Variants in BPIFB3 observed in about 807,000 individuals in gnomAD.
BPIFB3 encodes the protein BPI fold-containing family B member 3.
A neutral mutation model predicts 53.1 loss-of-function variants in BPIFB3; 49 were observed. The observed-to-expected ratio is 0.92, with a 90% CI of 0.73 to 1.17. The LOEUF is 1.17. Ranked by LOEUF, BPIFB3 falls within the 50% of genes most tolerant of loss-of-function variation. BPIFB3 has a pLI of 0.00. For missense variants in BPIFB3, 628 were observed against 592.5 expected (o/e 1.06, Z -0.62); for synonymous variants, 271 against 269.6 (o/e 1.01, Z -0.05).
In BPIFB3 at chr20:33,072,107, T is replaced by A. The variant is rs1386120475; in HGVS notation, c.1264T>A (p.Ser422Thr). The change falls in exon 13 of 15, where the codon TCG becomes ACG. Residue 422 changes from serine (S) to threonine (T), a missense_variant. Coordinates refer to ENST00000375494, the Ensembl canonical transcript of BPIFB3. ...CACCCTGTGTGTTCTGTTGCAGGGA[T>A]CGCGTTTAGAAGAATGGCTCAGCCA... 3 of 1,614,182 alleles carry A rather than the reference T, an allele frequency of 1.9e-6. No homozygotes were observed. The South Asian group carries it at 3.3e-5, about 18-fold the overall frequency.
chr20:33,064,492 TTC>T lies in BPIFB3; in HGVS notation c.694_695del (p.Leu232GlyfsTer25). The T allele has an allele frequency of 6.2e-7, 1 of 1,614,120 alleles. No individual in the cohort carries two copies. Among genetic ancestry groups the T allele is most frequent in the Non-Finnish European group, 8.5e-7 (1 of 1,180,020 alleles). On this transcript the variant is annotated frameshift_variant, in exon 7 of 15. Coordinates refer to ENST00000375494, the Ensembl canonical transcript of BPIFB3. LOFTEE classifies it high-confidence loss of function. ...CCTTGGGGCTCTTGGGTCCGTGGAA[TTC>T]TCTCTGGCCACATTGCCTCTCATCT...
At chr20:33,066,958 C>T in intron 9 of BPIFB3, 81 bp downstream of exon 10, 1 of 1,431,140 alleles carries the variant, frequency 7.0e-7, no homozygotes, top group African/African-American at 1.4e-5. Flanking sequence ...TTTCTCAATA[C>T]AGCTCTCCAG....
At chr20:33,062,193 A>C (rs1600539504) in intron 5 of BPIFB3, among the ~76,000 whole-genome samples, 1 of 152,228 alleles carries the variant, frequency 6.6e-6, no homozygotes, top group Non-Finnish European at 1.5e-5. Flanking sequence ...GTGCTTGGCA[A>C]TCATGTCTAG....
upstream of BPIFB3, chr20:33,055,323 C>T: frequency 6.5e-7 from 1 of 1,537,784 alleles, no homozygotes; most frequent in Non-Finnish European, 8.8e-7. Flanking sequence ...TTGGGCTGTG[C>T]CAGGTGGGCA....
chr20:33,071,970 G>C (rs1373989705), intron 12 of BPIFB3, 134 bp from the exon 14 acceptor site: 10 of 832,408 alleles, frequency 1.2e-5, no homozygotes, highest in Non-Finnish European at 1.8e-5. Flanking sequence ...TGCCTGCCAG[G>C]AGCTGTGTCC....
intron 13 of BPIFB3, 69 bp from the exon 15 acceptor site, chr20:33,072,648 C>T: frequency 7.5e-7 from 1 of 1,340,734 alleles, no homozygotes; most frequent in Non-Finnish European, 1.1e-6. Flanking sequence ...TCAGCAGGGT[C>T]CGAGGGTTCC....
Position 33,056,529 on chromosome 20 carries a change from A to T in BPIFB3, c.125-13A>T. The T allele has an allele frequency of 6.2e-7, 1 of 1,612,930 alleles. No individual in the cohort carries two copies. The highest frequency in any genetic ancestry group is 8.5e-7 in the Non-Finnish European group (1 of 1,179,786). On this transcript the variant is annotated splice_polypyrimidine_tract_variant and intron_variant, in intron 1 of 14. Coordinates refer to ENST00000375494, the Ensembl canonical transcript of BPIFB3. ...GAGTTTCTAGTACCTTCCTACTTCC[A>T]CTCTCTCTGCAGCCATCCAGAACTC...
At chr20:33,059,557 C>A in intron 3 of BPIFB3, 75 bp downstream of exon 4, 1 of 1,091,086 alleles carries the variant, frequency 9.2e-7, no homozygotes, top group Non-Finnish European at 1.4e-6. Context: ...TCCTACTCTG[C>A]TGTCCCCCCA....
chr20:33,055,712 C>T (rs953419167), intron 1 of BPIFB3, among the ~76,000 whole-genome samples, 165 bp downstream of exon 2: 1 of 152,174 alleles, frequency 6.6e-6, no homozygotes, highest in Non-Finnish European at 1.5e-5. Flanking sequence ...GAAAGTTTCC[C>T]TTGCAGGCTT....
At chr20:33,072,620 G>T (rs1980951746) in intron 13 of BPIFB3, 97 bp from the exon 15 acceptor site, 1 of 1,011,288 alleles carries the variant, frequency 9.9e-7, no homozygotes, top group South Asian at 1.4e-5. Context: ...GCTGGCTAGT[G>T]AAAGTGATGG....
At chr20:33,066,742 T>G (rs1214021483) in intron 8 of BPIFB3, 82 bp from the exon 10 acceptor site, 1 of 1,362,220 alleles carries the variant, frequency 7.3e-7, no homozygotes. Context: ...GGAAGAGTGG[T>G]GAACGAAACT....
downstream of BPIFB3, chr20:33,073,693 ATGT>A (rs895198219): frequency 1.9e-5 from 29 of 1,508,988 alleles, no homozygotes; most frequent in African/African-American, 3.7e-4. Flanking sequence ...TCTCTAGCTG[ATGT>A]TGGTGACAGT....
At chr20:33,058,879 C>T (rs1032269080) in intron 2 of BPIFB3, among the ~76,000 whole-genome samples, 1 of 151,888 alleles carries the variant, frequency 6.6e-6, no homozygotes, top group Non-Finnish European at 1.5e-5. Context: ...GAAGAAGGGT[C>T]AAGGGAAGTG....
chr20:33,072,195 C>T, intron 13 of BPIFB3, 28 bp downstream of exon 14: 1 of 1,610,536 alleles, frequency 6.2e-7, no homozygotes, highest in Non-Finnish European at 8.5e-7. Context: ...CTCTTGGACA[C>T]ATGGAGTGTC....
chr20:33,061,725 G>C (rs778101577), intron 4 of BPIFB3, 43 bp from the exon 6 acceptor site: 2 of 1,595,908 alleles, frequency 1.3e-6, no homozygotes, highest in Admixed American at 1.7e-5. Context: ...GGGTTGAACC[G>C]TCCACCTGGC....
intron 8 of BPIFB3, among the ~76,000 whole-genome samples, chr20:33,065,218 C>T (rs1980621318): frequency 6.6e-6 from 1 of 152,192 alleles, no homozygotes; most frequent in African/African-American, 2.4e-5. Context: ...AAAATTTCCA[C>T]TGCTTTCTCA....
Position 33,072,943 on chromosome 20 carries a change from A to G in BPIFB3, c.1401+150A>G, listed in dbSNP as rs189795072. ...TTTCTCAGTGAGTTACAAATTGCCT[A>G]ACTTAGGAATGGCAAATATATGACA... On this transcript the variant is annotated intron_variant, in intron 14 of 14. Transcript: ENST00000375494. 1.4e-5 allele frequency: 10 copies of G among 697,984 alleles called. No homozygotes were observed. In the Admixed American group the frequency reaches 2.8e-4, roughly 19 times the overall value. The allele number at this position is 697,984 out of a possible 1,614,324, so 43.2% of individuals were successfully genotyped here.
chr20:33,064,803 G>T (rs1246637332), exon 8 of BPIFB3: 1 of 1,613,740 alleles, frequency 6.2e-7, no homozygotes, highest in Non-Finnish European at 8.5e-7. Context: ...TTGGACTCCT[G>T]CAGACCAACG....
Position 33,072,129 on chromosome 20 carries a change from G to A in BPIFB3, c.1286G>A (p.Ser429Asn), listed in dbSNP as rs767431771. Residue 429 changes from serine to asparagine, a missense_variant, in exon 13 of 15, where the codon AGC becomes AAC. By Grantham distance (46) the Ser-to-Asn change is conservative. Coordinates refer to ENST00000375494, the Ensembl canonical transcript of BPIFB3. Reference sequence around the variant, plus strand: ...GGATCGCGTTTAGAAGAATGGCTCAGCCATGTGGTCGGGGCAGTGTATGCA... The same window carrying A: ...GGATCGCGTTTAGAAGAATGGCTCAACCATGTGGTCGGGGCAGTGTATGCA... 1.9e-6 allele frequency: 3 copies of A among 1,614,116 alleles called. No homozygotes were observed. In the African/African-American group the frequency reaches 4.0e-5, roughly 22 times the overall value.
Sources: allele counts gnomAD v4.1 joint callset (sites outside exome capture counted in the v4.1 genomes callset), GRCh38; gene constraint gnomAD v4.1.1; transcripts MANE v1.5; gene names NCBI Gene and HGNC (gene_info 2026-07-23, HGNC 2026-07-21).